NOS1AP: variants seen among roughly 807,000 people sequenced by gnomAD.
NOS1AP encodes the protein nitric oxide synthase 1 adaptor protein.
Under a neutral mutation model 56.2 loss-of-function variants are expected in NOS1AP, and 21 were observed. That is an observed-to-expected ratio of 0.37 (90% CI 0.26 to 0.54). The LOEUF is 0.54. Among genes scored for constraint, NOS1AP ranks in the 20% least tolerant of loss-of-function variants. The probability of loss-of-function intolerance (pLI) is 0.84; values close to 1 mark genes in which losing one functional copy is unlikely to be tolerated. For synonymous variants in NOS1AP, 270 were observed against 274.6 expected, an observed-to-expected ratio of 0.98 and a Z score of 0.17; for missense variants, 522 against 657.8, an observed-to-expected ratio of 0.79 and a Z score of 2.26.
intron 1 of NOS1AP, among the ~76,000 whole-genome samples, chr1:162,129,077 A>C (rs1426657107): frequency 6.6e-6 from 1 of 151,694 alleles, no homozygotes; most frequent in African/African-American, 2.4e-5. Context: ...GTTTTTTTTT[A>C]ATGTTCTTGT....
At chr1:162,276,743 C>A (rs1295265276) in intron 2 of NOS1AP, among the ~76,000 whole-genome samples, 2 of 152,152 alleles carry the variant, frequency 1.3e-5, no homozygotes, top group Non-Finnish European at 2.9e-5. Context: ...TGAAAGAAGT[C>A]AATAACTTCA....
At chr1:162,329,814 G>T (rs1263724969) in intron 4 of NOS1AP, among the ~76,000 whole-genome samples, 1 of 152,188 alleles carries the variant, frequency 6.6e-6, no homozygotes, top group African/African-American at 2.4e-5. Flanking sequence ...TGGTTATGTT[G>T]GTGGAAACTT....
chr1:162,361,104 G>T (rs566161029), intron 8 of NOS1AP, among the ~76,000 whole-genome samples: 2 of 152,170 alleles, frequency 1.3e-5, no homozygotes, highest in African/African-American at 4.8e-5. Flanking sequence ...GGACGTGGCC[G>T]TAGTGTCACA....
At chr1:162,354,684 T>TATTCCTCAGTCATGG (rs1489941310) in intron 6 of NOS1AP, among the ~76,000 whole-genome samples, 1 of 152,230 alleles carries the variant, frequency 6.6e-6, no homozygotes, top group African/African-American at 2.4e-5. Flanking sequence ...CTCCCTGCCT[T>TATTCCTCAGTCATGG]ATTCCTCAGT....
At chr1:162,249,823 GGA>G (rs1425208675) in intron 2 of NOS1AP, among the ~76,000 whole-genome samples, 1 of 152,212 alleles carries the variant, frequency 6.6e-6, no homozygotes, top group East Asian at 1.9e-4. Flanking sequence ...CTACTCTGAA[GGA>G]GAGAGTCCAG....
chr1:162,103,416 T>C (rs935014387), intron 1 of NOS1AP, among the ~76,000 whole-genome samples: 2 of 152,172 alleles, frequency 1.3e-5, no homozygotes, highest in African/African-American at 4.8e-5. Flanking sequence ...CTGTTGTTTT[T>C]AGGTGCAGAG....
At chr1:162,190,876 C>T (rs1309257023) in intron 2 of NOS1AP, among the ~76,000 whole-genome samples, 1 of 152,000 alleles carries the variant, frequency 6.6e-6, no homozygotes, top group Non-Finnish European at 1.5e-5. Context: ...CCTTTCTGTC[C>T]CTTAATGTCT....
chr1:162,085,810 A>C (rs977110021), intron 1 of NOS1AP, among the ~76,000 whole-genome samples: 32 of 152,184 alleles, frequency 2.1e-4, no homozygotes, highest in African/African-American at 7.7e-4. Flanking sequence ...AGATAGGCAC[A>C]TTATATTATT....
chr1:162,141,466 G>T (rs1649232152), intron 1 of NOS1AP, among the ~76,000 whole-genome samples: 1 of 152,222 alleles, frequency 6.6e-6, no homozygotes, highest in Admixed American at 6.5e-5. Context: ...AGTCAGTCCT[G>T]CCTTGTTGGA....
intron 1 of NOS1AP, among the ~76,000 whole-genome samples, chr1:162,121,825 A>T (rs954483247): frequency 1.3e-5 from 2 of 152,146 alleles, no homozygotes; most frequent in African/African-American, 4.8e-5. Flanking sequence ...CTCTTTGGGG[A>T]TATGGGATAA....
chr1:162,336,110 A>T (rs541373360), intron 5 of NOS1AP, among the ~76,000 whole-genome samples: 6 of 152,352 alleles, frequency 3.9e-5, no homozygotes, highest in Non-Finnish European at 7.3e-5. Flanking sequence ...ACTCTAGATT[A>T]TCTAAGTTCC....
intron 1 of NOS1AP, among the ~76,000 whole-genome samples, chr1:162,112,359 C>G (rs1164961380): frequency 6.6e-6 from 1 of 151,742 alleles, no homozygotes; most frequent in Non-Finnish European, 1.5e-5. Context: ...TAAGAGCATC[C>G]TGGCCTCTAG....
chr1:162,331,328 T>C (rs756854253), intron 4 of NOS1AP, among the ~76,000 whole-genome samples: 10 of 152,158 alleles, frequency 6.6e-5, no homozygotes, highest in Non-Finnish European at 1.0e-4. Flanking sequence ...AGTGTTGTTT[T>C]CCTCTCTGTG....
rs16858165 is a variant in NOS1AP at position 162,192,589 on chromosome 1, G to A, written c.177+38113G>A. On this transcript the variant is annotated intron_variant, in intron 2 of 9. Transcript: ENST00000361897. ...GGCTGTTGCCTGCCATGTGGTTTTG[G>A]GCAAGGCCACTTTTCCCTGGCCTGT... 3.7e-4 allele frequency among the ~76,000 whole-genome samples: 57 copies of A among 152,246 alleles called. No homozygotes were observed. The East Asian group carries it at 0.011, about 28-fold the overall frequency.
intron 4 of NOS1AP, among the ~76,000 whole-genome samples, chr1:162,323,528 C>T (rs1656483306): frequency 1.3e-5 from 2 of 152,216 alleles, no homozygotes; most frequent in Admixed American, 1.3e-4. Flanking sequence ...ACTGTATCCA[C>T]TTCATACAGT....
chr1:162,108,846 GA>G (rs1209244417), intron 1 of NOS1AP, among the ~76,000 whole-genome samples: 8 of 151,892 alleles, frequency 5.3e-5, no homozygotes, highest in African/African-American at 9.6e-5. Context: ...CAATAGATAT[GA>G]AAAAAAAGAT....
intron 2 of NOS1AP, among the ~76,000 whole-genome samples, chr1:162,250,639 A>G (rs1289817812): frequency 6.6e-6 from 1 of 152,210 alleles, no homozygotes; most frequent in Non-Finnish European, 1.5e-5. Flanking sequence ...ACCCCCATGC[A>G]GCAGTTGAGG....
chr1:162,241,555 G>A (rs1394107891), intron 2 of NOS1AP, among the ~76,000 whole-genome samples: 1 of 152,094 alleles, frequency 6.6e-6, no homozygotes, highest in African/African-American at 2.4e-5. Context: ...GACTGTATGA[G>A]GTAGATACTA....
intron 1 of NOS1AP, among the ~76,000 whole-genome samples, chr1:162,107,388 T>C (rs934848871): frequency 4.6e-5 from 7 of 152,270 alleles, no homozygotes; most frequent in African/African-American, 1.7e-4. Flanking sequence ...CAGGCTGGAA[T>C]GCTGTGGCAT....
Sources: gnomAD v4.1 joint callset for allele counts (sites outside exome capture counted in the v4.1 genomes callset) on GRCh38, gnomAD v4.1.1 for gene constraint, MANE v1.5 for transcripts, NCBI Gene and HGNC (gene_info 2026-07-23, HGNC 2026-07-21) for gene names.